COL27A1: variants seen among roughly 807,000 people sequenced by gnomAD.
COL27A1 encodes the protein collagen type XXVII alpha 1 chain.
In COL27A1, 106 loss-of-function variants were observed where a neutral mutation model predicts 251.3. The ratio of observed to expected loss-of-function variants is 0.42; its 90% CI spans 0.36 to 0.50. The LOEUF (loss-of-function observed/expected upper bound fraction) is 0.50. Ranked by LOEUF, COL27A1 falls within the 20% of genes least tolerant of loss-of-function variation. COL27A1 has a pLI of 0.00. For synonymous variants in COL27A1, 1,000 were observed against 986.3 expected, an observed-to-expected ratio of 1.01 and a Z score of -0.26; for missense variants, 2,325 against 2,522.8, an observed-to-expected ratio of 0.92 and a Z score of 1.68.
intron 52 of COL27A1, 41 bp downstream of exon 52, chr9:114,301,166 T>G: frequency 6.2e-7 from 1 of 1,612,540 alleles, no homozygotes; most frequent in Non-Finnish European, 8.5e-7. Context: ...GGGGTCCCCT[T>G]GCCTTCCTGG....
At chr9:114,187,371 C>T (rs1302231922) in intron 5 of COL27A1, among the ~76,000 whole-genome samples, 2 of 152,210 alleles carry the variant, frequency 1.3e-5, no homozygotes, top group African/African-American at 4.8e-5. Flanking sequence ...TGTAGTGGTC[C>T]TGCCCAGTAA....
At chr9:114,247,276 A>T (rs1833205942) in intron 24 of COL27A1, among the ~76,000 whole-genome samples, 1 of 152,214 alleles carries the variant, frequency 6.6e-6, no homozygotes, top group African/African-American at 2.4e-5. Context: ...AGATCTCTGC[A>T]GCAATGATTG....
intron 7 of COL27A1, among the ~76,000 whole-genome samples, chr9:114,201,260 G>C (rs535399951): frequency 1.3e-5 from 2 of 152,200 alleles, no homozygotes; most frequent in Admixed American, 1.3e-4. Flanking sequence ...GGCACCGATC[G>C]CAAACTGGAA....
chr9:114,243,543 G>T lies in COL27A1; in HGVS notation c.2917G>T (p.Gly973Cys), dbSNP rs759286774. Residue 973 changes from glycine to cysteine, a missense_variant, in exon 23 of 61, where the codon GGC becomes TGC. Around this residue, in one of 4 missense-constraint regions of COL27A1, gnomAD observed 662 missense variants for 795.3 expected, o/e 0.83. Transcript: ENST00000356083. ...PGRKGFPGRP[G>C]LDGVKGEPGD... ...CAGGAAGGGGTTTCCTGGGAGGCCC[G>T]GCCTGGATGGCGTGAAGGTGAGGGG... The T allele has an allele frequency of 6.2e-7, 1 of 1,613,732 alleles. No homozygotes were observed. The highest frequency in any genetic ancestry group is 1.1e-5 in the South Asian group (1 of 91,052).
At chr9:114,254,564 G>A (rs1833798640) in intron 27 of COL27A1, among the ~76,000 whole-genome samples, 1 of 152,134 alleles carries the variant, frequency 6.6e-6, no homozygotes, top group African/African-American at 2.4e-5. Context: ...GACCAGCCCA[G>A]GCACAGATCC....
chr9:114,162,983 C>T (rs191063796), intron 2 of COL27A1, among the ~76,000 whole-genome samples, 198 bp downstream of exon 2: 3 of 152,118 alleles, frequency 2.0e-5, no homozygotes, highest in South Asian at 2.1e-4. Flanking sequence ...AGACTGCAGT[C>T]CCAGCGCTTT....
chr9:114,194,384 T>G lies in COL27A1; in HGVS notation c.2017-20T>G. On this transcript the variant is annotated intron_variant, in intron 5 of 60. Coordinates refer to ENST00000356083, the MANE Select transcript of COL27A1 (RefSeq NM_032888.4). The stretch of plus-strand genomic sequence containing the variant: ...TTTCTAGATGACTTGGTGGCCAAAG[T>G]GGAATTGTTTTTGTTTCAGGGACAG... 1.2e-6 allele frequency: 2 copies of G among 1,612,662 alleles called. No individual in the cohort carries two copies. Among genetic ancestry groups the G allele is most frequent in the Non-Finnish European group, 8.5e-7 (1 of 1,179,306 alleles).
At chr9:114,270,643 C>A in intron 35 of COL27A1, 85 bp from the exon 36 acceptor site, 1 of 1,074,772 alleles carries the variant, frequency 9.3e-7, no homozygotes, top group Non-Finnish European at 1.4e-6. Context: ...CAGGGTCCTG[C>A]CCCAGGGAGG....
chr9:114,227,109 A>G (rs1280621035), intron 14 of COL27A1, among the ~76,000 whole-genome samples: 2 of 152,140 alleles, frequency 1.3e-5, no homozygotes, highest in Non-Finnish European at 2.9e-5. Flanking sequence ...AGTATGTCAC[A>G]GCTAAGGAGG....
At chr9:114,164,792 T>C (rs1337710447) in intron 2 of COL27A1, among the ~76,000 whole-genome samples, 1 of 152,204 alleles carries the variant, frequency 6.6e-6, no homozygotes, top group Non-Finnish European at 1.5e-5. Context: ...GAATCCTTAA[T>C]CAGTAGTTTA....
At chr9:114,231,268 G>A (rs1201090334) in intron 15 of COL27A1, 136 bp downstream of exon 15, 1 of 810,144 alleles carries the variant, frequency 1.2e-6, no homozygotes, top group African/African-American at 1.7e-5. Flanking sequence ...GGGGTGCTAG[G>A]AGGAAGCTGG....
chr9:114,283,668 G>A lies in COL27A1; in HGVS notation c.3880-41G>A, dbSNP rs375818617. 9 of 1,599,630 alleles carry A rather than the reference G, an allele frequency of 5.6e-6. No homozygotes were observed. In the African/African-American group the frequency reaches 6.7e-5, roughly 12 times the overall value. Reference sequence around the variant, plus strand: ...GGAGACTGCTGTGTCCCCGCTGTGAGAGCCACACTCCATACCAACGAGGGT... The same window carrying A: ...GGAGACTGCTGTGTCCCCGCTGTGAAAGCCACACTCCATACCAACGAGGGT... On this transcript the variant is annotated intron_variant, in intron 39 of 60. Transcript: ENST00000356083.
chr9:114,240,524 C>A, intron 21 of COL27A1, 37 bp downstream of exon 21: 1 of 1,584,696 alleles, frequency 6.3e-7, no homozygotes, highest in East Asian at 2.2e-5. Flanking sequence ...CCCATCCTGG[C>A]CTGATTGCAG....
intron 12 of COL27A1, chr9:114,218,127 C>G (rs1830833464): frequency 4.1e-6 from 1 of 245,490 alleles, no homozygotes; most frequent in African/African-American, 2.3e-5. Context: ...AAGAAGGATC[C>G]CCTGGACACA....
chr9:114,164,582 G>A (rs1848702384), intron 2 of COL27A1, among the ~76,000 whole-genome samples: 1 of 152,214 alleles, frequency 6.6e-6, no homozygotes, highest in South Asian at 2.1e-4. Flanking sequence ...CATGTGTGGA[G>A]AAAGATGTGA....
At chr9:114,236,769 G>A (rs1255245747) in intron 17 of COL27A1, among the ~76,000 whole-genome samples, 1 of 152,150 alleles carries the variant, frequency 6.6e-6, no homozygotes, top group Non-Finnish European at 1.5e-5. Flanking sequence ...AGGGGCTGCT[G>A]TTTCATGTTA....
intron 2 of COL27A1, 94 bp from the exon 3 acceptor site, chr9:114,167,595 C>A: frequency 9.9e-7 from 1 of 1,011,970 alleles, no homozygotes; most frequent in Non-Finnish European, 1.5e-6. Context: ...TGTGGGTGGA[C>A]GGTCCACATT....
chr9:114,274,743 C>T (rs1461290421), intron 36 of COL27A1, among the ~76,000 whole-genome samples: 1 of 152,074 alleles, frequency 6.6e-6, no homozygotes, highest in Non-Finnish European at 1.5e-5. Context: ...TACTGCTGTC[C>T]GATTCATTGC....
chr9:114,231,055 C>T (rs1564498217), intron 14 of COL27A1, 24 bp from the exon 15 acceptor site: 3 of 1,609,762 alleles, frequency 1.9e-6, no homozygotes, highest in Non-Finnish European at 1.7e-6. Context: ...CTCACAGCAC[C>T]CTCTTCTCTT....
Sources: gnomAD v4.1 joint callset for allele counts (sites outside exome capture counted in the v4.1 genomes callset) on GRCh38, gnomAD v4.1.1 for gene constraint, gnomAD v4.1.1 regional missense constraint, MANE v1.5 for transcripts, NCBI Gene and HGNC (gene_info 2026-07-23, HGNC 2026-07-21) for gene names.